Variants in ELMO1 observed in about 807,000 individuals in gnomAD.
ELMO1 encodes engulfment and cell motility protein 1.
Under a neutral mutation model 98.9 loss-of-function variants are expected in ELMO1, and 26 were observed. The ratio of observed to expected loss-of-function variants is 0.26; its 90% CI spans 0.19 to 0.36. The LOEUF (loss-of-function observed/expected upper bound fraction) is 0.36, where lower values mean the gene tolerates loss of function less well. Ranked by LOEUF, ELMO1 falls within the 10% of genes least tolerant of loss-of-function variation. The pLI is 1.00. For missense variants in ELMO1, 627 were observed against 935.2 expected, an observed-to-expected ratio of 0.67 and a Z score of 4.30; for synonymous variants, 346 against 346.0, an observed-to-expected ratio of 1.00 and a Z score of 0.00.
chr7:37,091,056 T>C (rs1784056186), intron 15 of ELMO1, among the ~76,000 whole-genome samples: 1 of 152,244 alleles, frequency 6.6e-6, no homozygotes, highest in African/African-American at 2.4e-5. Flanking sequence ...TTGATCCATT[T>C]GTACCAGAAA....
intron 7 of ELMO1, among the ~76,000 whole-genome samples, chr7:37,240,190 G>A (rs1011719853): frequency 2.6e-5 from 4 of 151,592 alleles, no homozygotes; most frequent in Non-Finnish European, 5.9e-5. Context: ...GCCACAAGGC[G>A]TCACACCCAG....
intron 15 of ELMO1, among the ~76,000 whole-genome samples, chr7:37,090,176 C>T (rs1026523332): frequency 7.3e-6 from 1 of 137,110 alleles, no homozygotes; most frequent in Non-Finnish European, 1.6e-5. Context: ...GTATGCTAAC[C>T]AGCTCTAGGA....
At chr7:36,953,281 T>G (rs1788146593) in intron 16 of ELMO1, among the ~76,000 whole-genome samples, 1 of 152,120 alleles carries the variant, frequency 6.6e-6, no homozygotes. Context: ...ATACTACTCT[T>G]GAACGTACTA....
At chr7:37,315,220 T>A (rs80095465) in intron 3 of ELMO1, among the ~76,000 whole-genome samples, 3,937 of 152,278 alleles carry the variant, frequency 0.026, 181 homozygotes, top group African/African-American at 0.09. Flanking sequence ...ATTCTACTTA[T>A]TTTAAGGGAT....
chr7:37,000,665 T>A (rs1792600394), intron 16 of ELMO1, among the ~76,000 whole-genome samples: 1 of 152,208 alleles, frequency 6.6e-6, no homozygotes, highest in South Asian at 2.1e-4. Flanking sequence ...CTAGGCATGC[T>A]TGGCTAAGTA....
chr7:37,173,136 G>A lies in ELMO1; in HGVS notation c.1086+38250C>T, dbSNP rs777568661. Among the ~76,000 whole-genome samples, 14 of 152,296 alleles carry A rather than the reference G, an allele frequency of 9.2e-5. 1 individual carries two copies. In the Middle Eastern group the frequency reaches 0.02, roughly 222 times the overall value. ...TCTGCCTAATAAAATGTTTATAAATGGATTACATCATCTGCAACTGCACAG... is the reference window on the plus strand; with the variant it reads ...TCTGCCTAATAAAATGTTTATAAATAGATTACATCATCTGCAACTGCACAG... On this transcript the variant is annotated intron_variant, in intron 13 of 21. Coordinates refer to ENST00000310758, the MANE Select transcript of ELMO1 (RefSeq NM_014800.11).
chr7:37,089,497 C>T (rs1046718534), intron 15 of ELMO1, among the ~76,000 whole-genome samples: 6 of 152,092 alleles, frequency 3.9e-5, no homozygotes, highest in African/African-American at 1.4e-4. Context: ...GAGAATAACC[C>T]CCACACAAAA....
At chr7:37,307,549 G>A (rs1798675823) in intron 4 of ELMO1, among the ~76,000 whole-genome samples, 1 of 152,178 alleles carries the variant, frequency 6.6e-6, no homozygotes, top group South Asian at 2.1e-4. Flanking sequence ...GAAAGGACAG[G>A]AATGAATACA....
At chr7:37,054,053 G>A (rs1351812806) in intron 15 of ELMO1, among the ~76,000 whole-genome samples, 1 of 152,020 alleles carries the variant, frequency 6.6e-6, no homozygotes, top group Non-Finnish European at 1.5e-5. Flanking sequence ...CGCAGCTAAG[G>A]GTAGACTCAT....
chr7:37,141,363 A>G (rs1260538844), intron 13 of ELMO1, among the ~76,000 whole-genome samples: 1 of 152,144 alleles, frequency 6.6e-6, no homozygotes, highest in Non-Finnish European at 1.5e-5. Flanking sequence ...TTGGGGACTT[A>G]GGGGAAAGAA....
In ELMO1 at chr7:37,352,856, A is replaced by T. The variant is rs74627625; in HGVS notation, c.-73-10093T>A. Among the ~76,000 whole-genome samples the T allele has an allele frequency of 3.9e-3, 597 of 152,324 alleles. 2 individuals carry two copies. Among genetic ancestry groups the T allele is most frequent in the African/African-American group, 0.013 (540 of 41,578 alleles). On this transcript the variant is annotated intron_variant, in intron 1 of 21. Transcript: ENST00000310758. Reference sequence around the variant, plus strand: ...GAATACTTGTATTTGTGATCATTTGAACATCTCACTTCCTGCTTTAAATCT... The same window carrying T: ...GAATACTTGTATTTGTGATCATTTGTACATCTCACTTCCTGCTTTAAATCT...
chr7:36,962,222 T>C (rs1789008628), intron 16 of ELMO1, among the ~76,000 whole-genome samples: 1 of 152,184 alleles, frequency 6.6e-6, no homozygotes, highest in Non-Finnish European at 1.5e-5. Flanking sequence ...CTGCTTGAAC[T>C]GAAATCACAG....
chr7:36,878,295 G>C (rs1804135619), intron 18 of ELMO1, among the ~76,000 whole-genome samples, 178 bp from the exon 19 acceptor site: 1 of 152,090 alleles, frequency 6.6e-6, no homozygotes, highest in Non-Finnish European at 1.5e-5. Flanking sequence ...TTAATATTTA[G>C]TTATCACCTG....
chr7:37,169,247 CCT>C (rs1196036994), intron 13 of ELMO1, among the ~76,000 whole-genome samples: 1 of 152,208 alleles, frequency 6.6e-6, no homozygotes, highest in Non-Finnish European at 1.5e-5. Flanking sequence ...GTCTGTCACC[CCT>C]TTCTTTGACT....
Position 37,342,590 on chromosome 7 carries a change from C to A in ELMO1, c.78+23G>T, listed in dbSNP as rs1355296703. 2 of 1,610,932 alleles carry A rather than the reference C, an allele frequency of 1.2e-6. No homozygotes were observed. Among genetic ancestry groups the A allele is most frequent in the Non-Finnish European group, 8.5e-7 (1 of 1,177,164 alleles). On this transcript the variant is annotated intron_variant, in intron 2 of 21. Transcript: ENST00000310758. The surrounding 1 kb of genome is among the most constrained non-coding windows in gnomAD (Gnocchi z 4.3). ...ATAGAAAGGAAACTGAAAATAGACA[C>A]CCAATGCTGTCACGTTACTAACCTG...
At chr7:37,256,525 A>C (rs912826434) in intron 6 of ELMO1, among the ~76,000 whole-genome samples, 7 of 133,092 alleles carry the variant, frequency 5.3e-5, no homozygotes, top group African/African-American at 2.1e-4. Flanking sequence ...AGAAGGAGGA[A>C]GGAAGGAAGG....
intron 1 of ELMO1, among the ~76,000 whole-genome samples, chr7:37,430,033 C>A (rs1435798352): frequency 6.6e-6 from 1 of 152,208 alleles, no homozygotes; most frequent in Non-Finnish European, 1.5e-5. Context: ...ATCAATCACA[C>A]CTAGCACCCT....
chr7:36,938,363 G>A (rs1358710448), intron 16 of ELMO1, among the ~76,000 whole-genome samples: 2 of 152,204 alleles, frequency 1.3e-5, no homozygotes, highest in Non-Finnish European at 2.9e-5. Flanking sequence ...ATGTGGGTGG[G>A]TCAACCACAG....
chr7:37,442,953 C>T (rs750414259), intron 1 of ELMO1, among the ~76,000 whole-genome samples: 26 of 152,224 alleles, frequency 1.7e-4, no homozygotes, highest in Non-Finnish European at 3.4e-4. Context: ...GGGTTTAAGG[C>T]TCAGATGCAC....
Sources: gnomAD v4.1 joint callset for allele counts (sites outside exome capture counted in the v4.1 genomes callset) on GRCh38, gnomAD v4.1.1 for gene constraint, Gnocchi (gnomAD v3.1) non-coding constraint, MANE v1.5 for transcripts, NCBI Gene and HGNC (gene_info 2026-07-23, HGNC 2026-07-21) for gene names.